THBS4: variants seen among roughly 807,000 people sequenced by gnomAD.
The protein encoded by THBS4 is thrombospondin 4.
In THBS4, 90 loss-of-function variants were observed where a neutral mutation model predicts 115.7. The ratio of observed to expected loss-of-function variants is 0.78; its 90% CI spans 0.66 to 0.93. The LOEUF is 0.93. Ranked by LOEUF, THBS4 falls within the 40% of genes least tolerant of loss-of-function variation. The pLI is 0.00. For missense variants in THBS4, 1,087 were observed against 1,232.7 expected, an observed-to-expected ratio of 0.88 and a Z score of 1.77; for synonymous variants, 460 against 479.3, an observed-to-expected ratio of 0.96 and a Z score of 0.53.
At chr5:80,048,174 A>G (rs1833136554) in intron 2 of THBS4, among the ~76,000 whole-genome samples, 1 of 152,236 alleles carries the variant, frequency 6.6e-6, no homozygotes, top group Non-Finnish European at 1.5e-5. Flanking sequence ...GTCATTTGGA[A>G]TGAAGATCAG....
intron 15 of THBS4, 130 bp from the exon 16 acceptor site, chr5:80,076,725 C>G: frequency 1.1e-6 from 1 of 889,012 alleles, no homozygotes; most frequent in Non-Finnish European, 1.6e-6. Flanking sequence ...GGAATGACCC[C>G]AGTGGGTTTG....
At chr5:80,071,264 C>A in intron 13 of THBS4, 84 bp downstream of exon 13, 1 of 1,500,532 alleles carries the variant, frequency 6.7e-7, no homozygotes. Flanking sequence ...AATAGAATGA[C>A]TGATTCGGAG....
intron 2 of THBS4, among the ~76,000 whole-genome samples, chr5:80,008,017 T>G (rs1832051004): frequency 6.6e-6 from 1 of 152,228 alleles, no homozygotes; most frequent in African/African-American, 2.4e-5. Context: ...GGAATAAATG[T>G]GGACAACTTC....
chr5:80,046,827 C>T (rs1407450661), intron 2 of THBS4, among the ~76,000 whole-genome samples: 4 of 152,096 alleles, frequency 2.6e-5, no homozygotes, highest in Non-Finnish European at 4.4e-5. Context: ...ATTGAACTGT[C>T]CAACATGTCA....
intron 2 of THBS4, among the ~76,000 whole-genome samples, chr5:80,028,891 C>T (rs2438608): frequency 6.7e-6 from 1 of 149,740 alleles, no homozygotes; most frequent in South Asian, 2.1e-4. Flanking sequence ...CTTATTTTAC[C>T]CACTCTTTTT....
At chr5:80,025,659 G>A (rs181630396) in intron 2 of THBS4, among the ~76,000 whole-genome samples, 24 of 152,270 alleles carry the variant, frequency 1.6e-4, no homozygotes, top group African/African-American at 5.5e-4. Flanking sequence ...TTCCTGATAG[G>A]TGCTTTAAAG....
At chr5:80,042,257 A>G (rs147198079) in intron 2 of THBS4, among the ~76,000 whole-genome samples, 1 of 152,322 alleles carries the variant, frequency 6.6e-6, no homozygotes, top group African/African-American at 2.4e-5. Flanking sequence ...TTTGCCTAGC[A>G]TCTGCTGAAG....
intron 14 of THBS4, chr5:80,072,738 C>A: frequency 3.3e-6 from 1 of 304,934 alleles, no homozygotes; most frequent in Non-Finnish European, 6.3e-6. Flanking sequence ...TAAACCCCTA[C>A]ACAGCCTATG....
intron 2 of THBS4, among the ~76,000 whole-genome samples, chr5:80,048,960 T>C (rs1162292652): frequency 6.6e-6 from 1 of 152,112 alleles, no homozygotes; most frequent in East Asian, 1.9e-4. Context: ...ATGGCTTCCA[T>C]CATATGTTTA....
chr5:80,006,749 G>T (rs367855476), intron 2 of THBS4, among the ~76,000 whole-genome samples: 1 of 152,144 alleles, frequency 6.6e-6, no homozygotes, highest in Non-Finnish European at 1.5e-5. Flanking sequence ...TAGAATAAAG[G>T]GGGCAGGGTG....
chr5:80,028,216 C>T (rs772232424), intron 2 of THBS4, among the ~76,000 whole-genome samples: 27 of 152,024 alleles, frequency 1.8e-4, no homozygotes, highest in Non-Finnish European at 3.5e-4. Flanking sequence ...CTCTAAAAAC[C>T]CACCAACTTA....
intron 2 of THBS4, among the ~76,000 whole-genome samples, chr5:80,001,481 TA>T (rs1831897483): frequency 6.6e-6 from 1 of 152,220 alleles, no homozygotes; most frequent in Non-Finnish European, 1.5e-5. Context: ...ATGGAGGAGA[TA>T]AACACAGTAA....
chr5:80,058,461 C>G (rs1170687251), intron 4 of THBS4, 147 bp downstream of exon 4: 1 of 676,656 alleles, frequency 1.5e-6, no homozygotes, highest in African/African-American at 1.8e-5. Flanking sequence ...TGAACAAAAT[C>G]CAGGGCACAG....
At chr5:80,021,708 A>G (rs1352137971) in intron 2 of THBS4, among the ~76,000 whole-genome samples, 1 of 152,052 alleles carries the variant, frequency 6.6e-6, no homozygotes, top group African/African-American at 2.4e-5. Flanking sequence ...TTTTGTAGAG[A>G]CGGGGTCTGT....
intron 2 of THBS4, among the ~76,000 whole-genome samples, chr5:80,045,959 A>G (rs2112051364): frequency 6.6e-6 from 1 of 152,352 alleles, no homozygotes; most frequent in African/African-American, 2.4e-5. Context: ...TGTGCAGAAG[A>G]TGGAAAGAAT....
intron 2 of THBS4, among the ~76,000 whole-genome samples, chr5:80,045,239 A>C (rs369759130): frequency 3.3e-5 from 5 of 152,206 alleles, no homozygotes; most frequent in Admixed American, 3.3e-4. Flanking sequence ...TTTCAGAAAA[A>C]GAAACACAAG....
intron 2 of THBS4, among the ~76,000 whole-genome samples, chr5:80,051,225 C>T (rs1833245630): frequency 6.6e-6 from 1 of 152,170 alleles, no homozygotes; most frequent in Non-Finnish European, 1.5e-5. Context: ...AGGCTGCAGG[C>T]TCCTGGGGCC....
intron 2 of THBS4, among the ~76,000 whole-genome samples, chr5:80,046,984 T>G (rs1337464722): frequency 6.6e-6 from 1 of 152,182 alleles, no homozygotes; most frequent in Non-Finnish European, 1.5e-5. Flanking sequence ...TTAACAAGAA[T>G]AAATGTAAAG....
At position 80,078,012 on chromosome 5, in the gene THBS4, C is replaced by T. The variant is rs375908414; in HGVS notation, c.2087-37C>T. ...GCCAAGGAGTGGCGGTGGGTGTGAG[C>T]GCTATTGAGCTCCTGTCCTTTCTCC... On this transcript the variant is annotated intron_variant, in intron 16 of 21. Transcript: ENST00000350881. 237 of 1,505,462 alleles carry T rather than the reference C, an allele frequency of 1.6e-4. No individual in the cohort carries two copies. In the African/African-American group the frequency reaches 2.8e-3, roughly 18 times the overall value. 93.3% of individuals were successfully genotyped at this position (1,505,462 alleles called of 1,614,324 possible).
Sources: allele counts gnomAD v4.1 joint callset (sites outside exome capture counted in the v4.1 genomes callset), GRCh38; gene constraint gnomAD v4.1.1; transcripts MANE v1.5; gene names NCBI Gene and HGNC (gene_info 2026-07-23, HGNC 2026-07-21).